NR3C2: variants seen among roughly 807,000 people sequenced by gnomAD.
The protein encoded by NR3C2 is mineralocorticoid receptor.
NR3C2 carries 15 observed loss-of-function variants against 86.4 expected under a neutral mutation model. The ratio of observed to expected loss-of-function variants is 0.17; its 90% CI spans 0.12 to 0.27. The LOEUF (loss-of-function observed/expected upper bound fraction) is 0.27. Ranked by LOEUF, NR3C2 falls within the 10% of genes least tolerant of loss-of-function variation. The pLI, the probability that NR3C2 is intolerant of heterozygous loss-of-function variation, is 1.00. For synonymous variants in NR3C2, 458 were observed against 450.5 expected, an observed-to-expected ratio of 1.02 and a Z score of -0.21; for missense variants, 960 against 1,195.6, an observed-to-expected ratio of 0.80 and a Z score of 2.91.
chr4:148,310,030 T>C (rs1007517782), intron 2 of NR3C2, among the ~76,000 whole-genome samples: 1 of 152,116 alleles, frequency 6.6e-6, no homozygotes, highest in Admixed American at 6.6e-5. Context: ...AAAAAAACTA[T>C]CCTACTTACT....
chr4:148,326,857 T>G (rs2149962994), intron 2 of NR3C2, among the ~76,000 whole-genome samples: 1 of 152,278 alleles, frequency 6.6e-6, no homozygotes, highest in South Asian at 2.1e-4. Flanking sequence ...TATTTTTATT[T>G]TTTCCCAAAA....
rs1271482282 is a variant in NR3C2, at chr4:148,408,867, C to G, written c.1757+26237G>C. Among the ~76,000 whole-genome samples the G allele has an allele frequency of 3.3e-5, 5 of 151,766 alleles. No homozygotes were observed. The East Asian group carries it at 9.7e-4, about 29-fold the overall frequency. On this transcript the variant is annotated intron_variant, in intron 2 of 8. Coordinates refer to ENST00000358102, the MANE Select transcript of NR3C2 (RefSeq NM_000901.5). ...ATCATGCTTATATATTGTTCTATAT[C>G]CTGGTTTTTTTCACTCAGTATTATA...
Position 148,243,234 on chromosome 4 carries a change from A to G in NR3C2, c.1897+16744T>C, listed in dbSNP as rs182709761. ...TATAGAGATGGAGTCTTGCTGTGTT[A>G]CCCAAGCTAGTCTTGAATTCCTGGC... On this transcript the variant is annotated intron_variant, in intron 3 of 8. Transcript: ENST00000358102. Among the ~76,000 whole-genome samples, 914 of 151,896 alleles carry G rather than the reference A, an allele frequency of 6.0e-3. 5 individuals carry two copies. Among genetic ancestry groups the G allele is most frequent in the African/African-American group, 0.021 (870 of 41,440 alleles).
At chr4:148,286,753 T>A (rs1329725256) in intron 2 of NR3C2, among the ~76,000 whole-genome samples, 2 of 152,148 alleles carry the variant, frequency 1.3e-5, no homozygotes, top group East Asian at 1.9e-4. Context: ...GTACACAGAT[T>A]TCAATAAATT....
chr4:148,444,452 G>T, upstream of NR3C2: 2 of 986,000 alleles, frequency 2.0e-6, no homozygotes, highest in Non-Finnish European at 2.4e-6. Flanking sequence ...AACCTGCCTT[G>T]CCCGGGGCCG....
At chr4:148,320,737 T>A (rs1045039250) in intron 2 of NR3C2, among the ~76,000 whole-genome samples, 14 of 152,088 alleles carry the variant, frequency 9.2e-5, no homozygotes, top group African/African-American at 3.4e-4. Flanking sequence ...CTTTATCATT[T>A]TTTTATTGCG....
intron 4 of NR3C2, among the ~76,000 whole-genome samples, chr4:148,186,992 G>GTA (rs1735936298): frequency 9.6e-5 from 1 of 10,366 alleles, no homozygotes; most frequent in Non-Finnish European, 1.3e-4. Context: ...ATGTGTGTAT[G>GTA]TATGTATATA....
At chr4:148,421,401 T>C (rs1259072453) in intron 2 of NR3C2, among the ~76,000 whole-genome samples, 1 of 152,254 alleles carries the variant, frequency 6.6e-6, no homozygotes, top group African/African-American at 2.4e-5. Context: ...AAAATGTCCA[T>C]GTTTTCTGTC....
intron 2 of NR3C2, among the ~76,000 whole-genome samples, chr4:148,377,872 G>C (rs567131356): frequency 6.6e-6 from 1 of 152,328 alleles, no homozygotes; most frequent in Admixed American, 6.5e-5. Context: ...GGGCCTCCCA[G>C]TTCCCGGGAG....
At chr4:148,247,595 G>A (rs1739379381) in intron 3 of NR3C2, among the ~76,000 whole-genome samples, 2 of 151,304 alleles carry the variant, frequency 1.3e-5, no homozygotes, top group African/African-American at 4.9e-5. Context: ...GCACACTGCT[G>A]AGAATAAAGT....
intron 6 of NR3C2, among the ~76,000 whole-genome samples, chr4:148,133,636 C>A (rs990327383): frequency 6.6e-6 from 1 of 152,154 alleles, no homozygotes; most frequent in African/African-American, 2.4e-5. Flanking sequence ...TTCTTGGAGT[C>A]ACATTCATGG....
chr4:148,293,247 A>C (rs1220403158), intron 2 of NR3C2, among the ~76,000 whole-genome samples: 2 of 152,200 alleles, frequency 1.3e-5, no homozygotes, highest in African/African-American at 4.8e-5. Flanking sequence ...AGAAGAAGCT[A>C]AGTCATTTTA....
chr4:148,273,218 G>T (rs1740779070), intron 2 of NR3C2, among the ~76,000 whole-genome samples: 1 of 152,164 alleles, frequency 6.6e-6, no homozygotes, highest in South Asian at 2.1e-4. Context: ...GTTTCGACTA[G>T]ATTTCAAGGA....
chr4:148,323,487 G>T (rs911983898), intron 2 of NR3C2, among the ~76,000 whole-genome samples: 20 of 148,764 alleles, frequency 1.3e-4, no homozygotes, highest in Admixed American at 6.7e-4. Context: ...CCTGGCTGCA[G>T]CCTTGCAGTT....
chr4:148,325,946 A>G (rs1003698348), intron 2 of NR3C2, among the ~76,000 whole-genome samples: 1 of 152,230 alleles, frequency 6.6e-6, no homozygotes, highest in African/African-American at 2.4e-5. Context: ...TGTTCACTGA[A>G]TCACAAGATT....
At chr4:148,242,709 A>G (rs1431926330) in intron 3 of NR3C2, among the ~76,000 whole-genome samples, 5 of 152,228 alleles carry the variant, frequency 3.3e-5, no homozygotes, top group Non-Finnish European at 5.9e-5. Context: ...TACTTACTAA[A>G]AACTGTTTAA....
intron 2 of NR3C2, among the ~76,000 whole-genome samples, chr4:148,345,356 G>A (rs564085315): frequency 1.3e-5 from 2 of 151,888 alleles, no homozygotes; most frequent in Non-Finnish European, 2.9e-5. Flanking sequence ...AGGTGGCAAT[G>A]TTGTATTTCT....
chr4:148,406,934 C>T lies in NR3C2; in HGVS notation c.1757+28170G>A, dbSNP rs145572965. Among the ~76,000 whole-genome samples, 860 of 152,262 alleles carry T rather than the reference C, an allele frequency of 5.6e-3. 5 individuals are homozygous for T. Among genetic ancestry groups the T allele is most frequent in the African/African-American group, 0.019 (798 of 41,570 alleles). On this transcript the variant is annotated intron_variant, in intron 2 of 8. Coordinates refer to ENST00000358102, the MANE Select transcript of NR3C2 (RefSeq NM_000901.5). Reference sequence around the variant, plus strand: ...TTAAGCTGCGTAATTATTGGACTTACATGTTTTAGCCTAAGAAAATGTAAC... The same window carrying T: ...TTAAGCTGCGTAATTATTGGACTTATATGTTTTAGCCTAAGAAAATGTAAC...
intron 2 of NR3C2, among the ~76,000 whole-genome samples, chr4:148,321,342 A>G (rs1284099779): frequency 1.3e-5 from 2 of 151,468 alleles, no homozygotes; most frequent in African/African-American, 4.9e-5. Flanking sequence ...TGCTGAAAAA[A>G]ATGTATATTC....
Sources: gnomAD v4.1 joint callset for allele counts (sites outside exome capture counted in the v4.1 genomes callset) on GRCh38, gnomAD v4.1.1 for gene constraint, MANE v1.5 for transcripts, NCBI Gene and HGNC (gene_info 2026-07-23, HGNC 2026-07-21) for gene names.